The following COL6A3 variants were observed in gnomAD, a reference collection of about 807,000 sequenced individuals.
COL6A3 encodes collagen type VI alpha 3 chain, also known as collagen alpha-3(VI) chain.
COL6A3 carries 137 observed loss-of-function variants against 274.1 expected under a neutral mutation model. The ratio of observed to expected loss-of-function variants is 0.50; its 90% CI spans 0.44 to 0.58. The LOEUF (loss-of-function observed/expected upper bound fraction) is 0.58, where lower values mean the gene tolerates loss of function less well. Among genes scored for constraint, COL6A3 ranks in the 20% least tolerant of loss-of-function variants. COL6A3 has a pLI of 0.00. For missense variants in COL6A3, 3,950 were observed against 4,124.9 expected, an observed-to-expected ratio of 0.96 and a Z score of 1.16; for synonymous variants, 1,650 against 1,650.6, an observed-to-expected ratio of 1.00 and a Z score of 0.01.
At chr2:237,398,003 C>A (rs2078494260) in intron 1 of COL6A3, among the ~76,000 whole-genome samples, 1 of 152,192 alleles carries the variant, frequency 6.6e-6, no homozygotes, top group African/African-American at 2.4e-5. Flanking sequence ...GGTTTTGACA[C>A]CCAGCTTAAG....
chr2:237,363,294 G>A lies in COL6A3; in HGVS notation c.6022C>T (p.Leu2008Phe), dbSNP rs1211265308. The A allele has an allele frequency of 1.2e-6, 2 of 1,614,046 alleles. No homozygotes were observed. The highest frequency in any genetic ancestry group is 1.7e-5 in the Admixed American group (1 of 60,004). The part of the protein sequence containing the change: ...RGFMYDRPLR[L>F]NLLDLDYELA... ...TCATAATCCAAGTCCAGCAAGTTAA[G>A]CCTCAGGGGCCTGTCATACATAAAC... Residue 2008 changes from leucine (L) to phenylalanine (F), a missense_variant, in exon 14 of 44, where the codon CTT becomes TTT. Leu to Phe is a conservative substitution (Grantham distance 22). Transcript: ENST00000295550.
intron 3 of COL6A3, among the ~76,000 whole-genome samples, chr2:237,391,307 C>T (rs906512295): frequency 6.6e-6 from 1 of 152,144 alleles, no homozygotes; most frequent in African/African-American, 2.4e-5. Context: ...GACAGAGATG[C>T]TTTCTTGGCA....
chr2:237,333,357 C>G lies in COL6A3; in HGVS notation c.9328+93G>C, dbSNP rs1438769711. 3 of 1,200,984 alleles carry G rather than the reference C, an allele frequency of 2.5e-6. No homozygotes were observed. In the African/African-American group the frequency reaches 4.5e-5, roughly 18 times the overall value. The allele number at this position is 1,200,984 out of a possible 1,614,324, so 74.4% of individuals were successfully genotyped here. ...ACCTTTTCCCCCATAGAAGTCATGC[C>G]TGGGCTAAGACTTAGAACCCAGGAA... On this transcript the variant is annotated intron_variant, in intron 42 of 43. Coordinates refer to ENST00000295550, the MANE Select transcript of COL6A3 (RefSeq NM_004369.4).
In COL6A3 at chr2:237,372,155, C is replaced by T. The variant is rs761799119; in HGVS notation, c.3862G>A (p.Ala1288Thr). Reference sequence around the variant, plus strand: ...TGCACTTCATCCTTGCTGGAATGGGCGTTCAGCAGGAACTCCACCTTGGGG... The same window carrying T: ...TGCACTTCATCCTTGCTGGAATGGGTGTTCAGCAGGAACTCCACCTTGGGG... ...DDPKVEFLLN[A>T]HSSKDEVQNA... Residue 1288 changes from alanine to threonine, a missense_variant, in exon 9 of 44, where the codon GCC becomes ACC. Physicochemically the swap from Ala to Thr is moderately conservative, Grantham distance 58. Around this residue, in one of 5 missense-constraint regions of COL6A3, gnomAD observed 1,934 missense variants for 1,984.3 expected, o/e 0.97. Coordinates refer to ENST00000295550, the MANE Select transcript of COL6A3 (RefSeq NM_004369.4). 28 of 1,614,084 alleles carry T rather than the reference C, an allele frequency of 1.7e-5. No individual in the cohort carries two copies. Among genetic ancestry groups the T allele is most frequent in the East Asian group, 6.7e-5 (3 of 44,860 alleles).
At chr2:237,381,825 A>T (rs1048402261) in intron 4 of COL6A3, among the ~76,000 whole-genome samples, 3 of 152,212 alleles carry the variant, frequency 2.0e-5, no homozygotes, top group African/African-American at 7.2e-5. Context: ...TGCCGTAAAT[A>T]CACAACTTGG....
intron 16 of COL6A3, among the ~76,000 whole-genome samples, chr2:237,360,479 G>T (rs1475444596): frequency 2.0e-5 from 3 of 152,260 alleles, no homozygotes; most frequent in Admixed American, 2.0e-4. Flanking sequence ...GACCCACCGG[G>T]CTGACAGCTC....
In COL6A3 at chr2:237,377,274, A is replaced by G; in HGVS notation, c.2568T>C (p.Arg856=). The G allele has an allele frequency of 6.2e-7, 1 of 1,606,686 alleles. No individual in the cohort carries two copies. Among genetic ancestry groups the G allele is most frequent in the Non-Finnish European group, 8.5e-7 (1 of 1,179,990 alleles). The change falls in exon 7 of 44, where the codon CGT becomes CGC. Residue 856 remains arginine, a synonymous_variant. Coordinates refer to ENST00000295550, the MANE Select transcript of COL6A3 (RefSeq NM_004369.4). ...CATCGATAATCTTGTAGAGAAAGTC[A>G]CGGACAACAGGGAACTGGCCCACAA... ...ANLVGQFPVV[R]DFLYKIIDEL... is the part of the protein sequence containing the mutation.
In COL6A3 at chr2:237,348,399, T is replaced by C. The variant is rs2077139492; in HGVS notation, c.6931-15A>G. 1.3e-6 allele frequency: 2 copies of C among 1,580,526 alleles called. No homozygotes were observed. The highest frequency in any genetic ancestry group is 1.1e-5 in the South Asian group (1 of 90,332). On this transcript the variant is annotated splice_polypyrimidine_tract_variant and intron_variant, in intron 29 of 43. Transcript: ENST00000295550. Reference sequence around the variant, plus strand: ...CCTCTTTCTCCCTATAAAGGAAAAATAGATTATTTAATACTTGGTTCTAAT... The same window carrying C: ...CCTCTTTCTCCCTATAAAGGAAAAACAGATTATTTAATACTTGGTTCTAAT...
At chr2:237,355,348 T>G (rs991866837) in intron 23 of COL6A3, 13 of 169,546 alleles carry the variant, frequency 7.7e-5, no homozygotes, top group African/African-American at 2.6e-4. Context: ...ATACATTAAT[T>G]ATAATGGAAG....
Position 237,340,797 on chromosome 2 carries a change from T to TCATTCC in COL6A3, c.8113_8118dup (p.Gly2705_Met2706dup). 6.2e-7 allele frequency: 1 copy of TCATTCC among 1,614,204 alleles called. No individual in the cohort carries two copies. Among genetic ancestry groups the TCATTCC allele is most frequent in the Non-Finnish European group, 8.5e-7 (1 of 1,180,040 alleles). On this transcript the variant is annotated inframe_insertion, in exon 38 of 44. Coordinates refer to ENST00000295550, the MANE Select transcript of COL6A3 (RefSeq NM_004369.4). The stretch of plus-strand genomic sequence containing the variant: ...AAGGCCCTGGTTCCCTGCAACTGTG[T>TCATTCC]CATTCCCCTGCTGAGGAAGTCCACC...
intron 37 of COL6A3, 36 bp from the exon 38 acceptor site, chr2:237,341,186 C>T (rs1389277930): frequency 7.0e-6 from 11 of 1,567,132 alleles, no homozygotes; most frequent in Non-Finnish European, 9.7e-6. Flanking sequence ...TGTTCTGTGA[C>T]ACCCACAGCA....
chr2:237,405,406 A>C (rs750723042), intron 1 of COL6A3, among the ~76,000 whole-genome samples: 2 of 152,120 alleles, frequency 1.3e-5, no homozygotes, highest in Non-Finnish European at 2.9e-5. Context: ...TTTCATTTAG[A>C]TTATTAAAAG....
chr2:237,391,125 A>C (rs963553751), intron 3 of COL6A3, among the ~76,000 whole-genome samples: 1 of 152,206 alleles, frequency 6.6e-6, no homozygotes, highest in African/African-American at 2.4e-5. Context: ...CTTTCCAAAA[A>C]ACTATAAGCA....
chr2:237,351,136 T>A lies in COL6A3; in HGVS notation c.6810A>T (p.Gly2270=), dbSNP rs757235198. ...TACCTTTCTAAAGACAAACCTTTCTTCCCAGTGGACCGGTTCTGCCTCGTT... is the reference window on the plus strand; with the variant it reads ...TACCTTTCTAAAGACAAACCTTTCTACCCAGTGGACCGGTTCTGCCTCGTT... ...PGERGRTGPL[G]RKGEPGEPGP... is the part of the protein sequence containing the mutation. Residue 2270 remains glycine, a synonymous_variant, in exon 27 of 44, where the codon GGA becomes GGT. Transcript: ENST00000295550. 6.2e-7 allele frequency: 1 copy of A among 1,614,202 alleles called. No individual in the cohort carries two copies. The highest frequency in any genetic ancestry group is 8.5e-7 in the Non-Finnish European group (1 of 1,180,026).
chr2:237,331,724 TAAAA>T (rs11310117), intron 42 of COL6A3, among the ~76,000 whole-genome samples: 23 of 147,736 alleles, frequency 1.6e-4, no homozygotes, highest in South Asian at 8.7e-4. Flanking sequence ...GTTCTTTTTT[TAAAA>T]AAAAAAAAAG....
At chr2:237,373,741 G>A (rs1239865646) in intron 8 of COL6A3, among the ~76,000 whole-genome samples, 1 of 152,120 alleles carries the variant, frequency 6.6e-6, no homozygotes, top group Non-Finnish European at 1.5e-5. Context: ...GTGGCCCTTG[G>A]AGGACATTTA....
In COL6A3 at chr2:237,372,193, T is replaced by C. The variant is rs2077709959; in HGVS notation, c.3824A>G (p.Gln1275Arg). ...CTCCACCTTGGGGTCATCGCTGAAC[T>C]GGATGACAGCCACCCGGGTGGTGTC... ...GFDTTRVAVI[Q>R]FSDDPKVEFL... The change falls in exon 9 of 44, where the codon CAG (glutamine) becomes CGG (arginine). Residue 1275 changes from glutamine (Q) to arginine (R), a missense_variant. Gln to Arg is a conservative substitution (Grantham distance 43). Coordinates refer to ENST00000295550, the MANE Select transcript of COL6A3 (RefSeq NM_004369.4). The C allele has an allele frequency of 3.1e-6, 5 of 1,614,036 alleles. No homozygotes were observed. The highest frequency in any genetic ancestry group is 4.2e-6 in the Non-Finnish European group (5 of 1,180,046).
chr2:237,357,128 T>C, intron 23 of COL6A3: 1 of 692,114 alleles, frequency 1.4e-6, no homozygotes, highest in Non-Finnish European at 2.6e-6. Context: ...CAGTATGTTT[T>C]TGGGGAGAGC....
rs773478979 is a variant in COL6A3 at position 237,361,123 on chromosome 2, G to A, written c.6208C>T (p.Pro2070Ser). The A allele has an allele frequency of 6.2e-7, 1 of 1,613,900 alleles. No individual in the cohort carries two copies. The highest frequency in any genetic ancestry group is 1.1e-5 in the South Asian group (1 of 91,072). Reference protein sequence around the residue: ...YRGYPGDEGGPGERGPPGVNG... With the variant: ...YRGYPGDEGGSGERGPPGVNG... ...GGACTAAAACAATTTTTACTTACGG[G>A]TCCACCCTCATCACCAGGATAGCCT... The change falls in exon 16 of 44, where the codon CCC becomes TCC. Residue 2070 changes from proline to serine, a missense_variant and splice_region_variant. Physicochemically the swap from Pro to Ser is moderately conservative, Grantham distance 74. Coordinates refer to ENST00000295550, the MANE Select transcript of COL6A3 (RefSeq NM_004369.4). This position sits in a 1 kb window ranked among gnomAD's most constrained non-coding sequence, Gnocchi z 5.1.
Sources: allele counts gnomAD v4.1 joint callset (sites outside exome capture counted in the v4.1 genomes callset), GRCh38; gene constraint gnomAD v4.1.1; regional missense constraint gnomAD v4.1.1; non-coding constraint Gnocchi (gnomAD v3.1); transcripts MANE v1.5; gene names NCBI Gene and HGNC (gene_info 2026-07-23, HGNC 2026-07-21).